The following RIMS2 variants were observed in gnomAD, a reference collection of about 807,000 sequenced individuals.
RIMS2 encodes the protein regulating synaptic membrane exocytosis 2.
In RIMS2, 59 loss-of-function variants were observed where a neutral mutation model predicts 174.4. The ratio of observed to expected loss-of-function variants is 0.34; its 90% confidence interval spans 0.27 to 0.42. The LOEUF (loss-of-function observed/expected upper bound fraction) is 0.42, where lower values mean the gene tolerates loss of function less well. RIMS2 is among the 10% of genes least tolerant of loss of function. The probability of loss-of-function intolerance (pLI) is 1.00; values close to 1 mark genes in which losing one functional copy is unlikely to be tolerated. For synonymous variants in RIMS2, 606 were observed against 572.5 expected, an observed-to-expected ratio of 1.06 and a Z score of -0.84; for missense variants, 1,620 against 1,666.3, an observed-to-expected ratio of 0.97 and a Z score of 0.48.
chr8:103,843,301 G>A, intron 3 of RIMS2, among the ~76,000 whole-genome samples: 1 of 152,254 alleles, frequency 6.6e-6, no homozygotes, highest in East Asian at 1.9e-4. Context: ...TAAAGAGACA[G>A]GGTGTTGCTA....
intron 1 of RIMS2, among the ~76,000 whole-genome samples, chr8:103,570,655 A>G (rs930078163): frequency 3.3e-5 from 5 of 152,212 alleles, no homozygotes; most frequent in African/African-American, 9.7e-5. Context: ...CCCTGATAAC[A>G]TGATAGGTAT....
rs544307505 is a variant in RIMS2, at chr8:103,937,726, G to A, written c.2547+1004G>A. ...AAGGCATCAGGGTGAGGAGATCTTG[G>A]TCAATTGCATTGAAATTGGAAGGGA... On this transcript the variant is annotated intron_variant, in intron 13 of 23. Coordinates refer to ENST00000504942, the Ensembl canonical transcript of RIMS2. Among the ~76,000 whole-genome samples the A allele has an allele frequency of 2.0e-5, 3 of 152,286 alleles. No homozygotes were observed. In the South Asian group the frequency reaches 6.2e-4, roughly 32 times the overall value.
At chr8:103,623,247 C>A (rs2095678804) in intron 1 of RIMS2, among the ~76,000 whole-genome samples, 1 of 152,134 alleles carries the variant, frequency 6.6e-6, no homozygotes, top group Non-Finnish European at 1.5e-5. Flanking sequence ...TTTTATTACA[C>A]ATTTGTAAAA....
chr8:103,521,514 C>G (rs1014067100), intron 1 of RIMS2, among the ~76,000 whole-genome samples: 1 of 151,970 alleles, frequency 6.6e-6, no homozygotes. Flanking sequence ...AATAGATTTT[C>G]TCAGCCATCT....
chr8:104,139,770 T>C (rs1022229831), intron 19 of RIMS2, among the ~76,000 whole-genome samples: 2 of 152,218 alleles, frequency 1.3e-5, no homozygotes, highest in African/African-American at 2.4e-5. Context: ...TCTTGTCTGA[T>C]TGATCTAGCT....
At chr8:103,767,250 C>G (rs13273605) in intron 3 of RIMS2, among the ~76,000 whole-genome samples, 71 of 151,128 alleles carry the variant, frequency 4.7e-4, no homozygotes, top group Non-Finnish European at 7.4e-5. Flanking sequence ...TGCAGTGGCA[C>G]GATCTCGGCT....
At chr8:103,904,107 C>T (rs2073845222) in intron 4 of RIMS2, among the ~76,000 whole-genome samples, 2 of 152,066 alleles carry the variant, frequency 1.3e-5, no homozygotes, top group African/African-American at 2.4e-5. Context: ...TACTCCTTCT[C>T]CACCATCCCT....
chr8:103,599,663 C>T (rs1003872832), intron 1 of RIMS2, among the ~76,000 whole-genome samples: 46 of 151,742 alleles, frequency 3.0e-4, no homozygotes, highest in Non-Finnish European at 5.9e-5. Flanking sequence ...ACTACCCAGG[C>T]TGGTCTTGAA....
intron 1 of RIMS2, among the ~76,000 whole-genome samples, chr8:103,508,934 A>G (rs1364753155): frequency 6.6e-6 from 1 of 152,112 alleles, no homozygotes. Context: ...ACTACTGTAC[A>G]TAATATATAT....
intron 1 of RIMS2, among the ~76,000 whole-genome samples, chr8:103,625,581 T>C (rs192964525): frequency 6.6e-6 from 1 of 152,296 alleles, no homozygotes; most frequent in Non-Finnish European, 1.5e-5. Context: ...GAATTATTTC[T>C]AATGATAAAG....
intron 1 of RIMS2, among the ~76,000 whole-genome samples, chr8:103,602,777 C>T (rs1470015737): frequency 6.6e-6 from 1 of 152,112 alleles, no homozygotes; most frequent in Non-Finnish European, 1.5e-5. Flanking sequence ...ACAAGTATGT[C>T]TCTCTATGGT....
At chr8:103,916,914 A>G (rs2076726125) in intron 8 of RIMS2, among the ~76,000 whole-genome samples, 1 of 152,158 alleles carries the variant, frequency 6.6e-6, no homozygotes, top group Non-Finnish European at 1.5e-5. Flanking sequence ...AAGGACATAC[A>G]ATTCCTACAT....
chr8:103,665,438 A>G (rs1475765503), intron 1 of RIMS2, among the ~76,000 whole-genome samples: 2 of 152,346 alleles, frequency 1.3e-5, no homozygotes, highest in Middle Eastern at 6.8e-3. Context: ...AATATTGATA[A>G]AGAACTTCAT....
chr8:103,893,676 A>C (rs1175423447), intron 4 of RIMS2, among the ~76,000 whole-genome samples: 3 of 152,140 alleles, frequency 2.0e-5, no homozygotes, highest in Non-Finnish European at 4.4e-5. Flanking sequence ...CATGAAATTT[A>C]AATTTTAGTT....
At position 103,936,090 on chromosome 8, in the gene RIMS2, A is replaced by G. The variant is rs1265122677; in HGVS notation, c.2376-461A>G. On this transcript the variant is annotated intron_variant, in intron 12 of 23. Transcript: ENST00000504942. ...TATAAAAAATAAATTATCATTGGTC[A>G]TTAGCTAGAACTTTATAGATAAGAA... Among the ~76,000 whole-genome samples the G allele has an allele frequency of 3.3e-5, 5 of 152,226 alleles. No individual in the cohort carries two copies. In the East Asian group the frequency reaches 9.6e-4, roughly 29 times the overall value.
chr8:104,230,892 TTTC>T (rs200643484), intron 19 of RIMS2, among the ~76,000 whole-genome samples: 34 of 148,260 alleles, frequency 2.3e-4, no homozygotes, highest in African/African-American at 6.7e-4. Flanking sequence ...TACTCTTTTT[TTTC>T]TTTTCCTGAA....
intron 10 of RIMS2, among the ~76,000 whole-genome samples, chr8:103,922,322 A>G (rs2077836820): frequency 6.6e-6 from 1 of 151,966 alleles, no homozygotes; most frequent in African/African-American, 2.4e-5. Flanking sequence ...TAAATACTTC[A>G]GATAACTTTG....
At chr8:103,967,170 GTTTTTTTTTT>G (rs71575988) in intron 15 of RIMS2, among the ~76,000 whole-genome samples, 11 of 24,952 alleles carry the variant, frequency 4.4e-4, no homozygotes, top group African/African-American at 1.9e-3. Flanking sequence ...ATCTGTTCTT[GTTTTTTTTTT>G]TTTTTTTTTT....
At chr8:103,619,461 TGGG>T (rs2095584646) in intron 1 of RIMS2, among the ~76,000 whole-genome samples, 1 of 152,038 alleles carries the variant, frequency 6.6e-6, no homozygotes, top group Non-Finnish European at 1.5e-5. Context: ...TTTGGAATAT[TGGG>T]GAAATTCCCA....
Sources: allele counts gnomAD v4.1 joint callset (sites outside exome capture counted in the v4.1 genomes callset), GRCh38; gene constraint gnomAD v4.1.1; transcripts MANE v1.5; gene names NCBI Gene and HGNC (gene_info 2026-07-23, HGNC 2026-07-21).